ASB7: variants seen among roughly 807,000 people sequenced by gnomAD.
ASB7 encodes the protein ankyrin repeat and SOCS box protein 7.
In ASB7, 4 loss-of-function variants were observed where a neutral mutation model predicts 32.5. The observed-to-expected ratio is 0.12, with a 90% CI of 0.06 to 0.28. The LOEUF is 0.28. Ranked by LOEUF, ASB7 falls within the 10% of genes least tolerant of loss-of-function variation. The pLI, the probability that ASB7 is intolerant of heterozygous loss-of-function variation, is 1.00. For missense variants in ASB7, 181 were observed against 407.1 expected, an observed-to-expected ratio of 0.44 and a Z score of 4.78; for synonymous variants, 172 against 155.6, an observed-to-expected ratio of 1.11 and a Z score of -0.78.
chr15:100,638,568 C>T (rs1273682161), intron 5 of ASB7: 2 of 152,146 alleles, frequency 1.3e-5, no homozygotes, highest in African/African-American at 2.4e-5. Flanking sequence ...TTCAGAGGTT[C>T]GCCGTGCGCA....
At chr15:100,645,367 C>G (rs555072829) in intron 5 of ASB7, 252 of 263,350 alleles carry the variant, frequency 9.6e-4, no homozygotes, top group Non-Finnish European at 1.6e-3. Flanking sequence ...TTTCATGATT[C>G]TCTACCAATT....
chr15:100,607,467 A>G (rs28498163), intron 2 of ASB7, among the ~76,000 whole-genome samples: 31,845 of 152,078 alleles, frequency 0.21, 3,732 homozygotes, highest in Non-Finnish European at 0.27. Context: ...GTAATAAATT[A>G]TTTTCTGTCG....
chr15:100,616,964 G>GCT (rs1224714542), intron 4 of ASB7, among the ~76,000 whole-genome samples: 1 of 152,152 alleles, frequency 6.6e-6, no homozygotes, highest in African/African-American at 2.4e-5. Flanking sequence ...TTCTCACCAC[G>GCT]GTGTTCATTC....
chr15:100,628,495 G>A (rs1042921544), intron 4 of ASB7, among the ~76,000 whole-genome samples: 1 of 152,162 alleles, frequency 6.6e-6, no homozygotes, highest in African/African-American at 2.4e-5. Context: ...ATCCTGGGTA[G>A]TTAGGTCTGA....
chr15:100,638,752 C>T (rs894727111), intron 5 of ASB7, among the ~76,000 whole-genome samples: 4 of 152,090 alleles, frequency 2.6e-5, no homozygotes, highest in Non-Finnish European at 5.9e-5. Context: ...TATACATGTG[C>T]CATGGTGGTT....
intron 5 of ASB7, among the ~76,000 whole-genome samples, chr15:100,640,087 A>G (rs1022812289): frequency 6.6e-6 from 1 of 152,222 alleles, no homozygotes; most frequent in Admixed American, 6.5e-5. Context: ...GTCCCTCTGA[A>G]GGGAATTCAG....
chr15:100,608,083 AC>A (rs2039663009), intron 2 of ASB7, among the ~76,000 whole-genome samples: 1 of 152,202 alleles, frequency 6.6e-6, no homozygotes, highest in African/African-American at 2.4e-5. Flanking sequence ...TGCTGAGGAC[AC>A]ACTTGGAAGT....
intron 2 of ASB7, among the ~76,000 whole-genome samples, chr15:100,605,831 T>G (rs922737759): frequency 2.6e-5 from 4 of 152,220 alleles, no homozygotes; most frequent in Non-Finnish European, 4.4e-5. Context: ...TCTGGATAAG[T>G]CCAAAATTTC....
intron 2 of ASB7, among the ~76,000 whole-genome samples, chr15:100,607,009 C>T (rs541232279): frequency 3.9e-5 from 6 of 152,084 alleles, no homozygotes; most frequent in Admixed American, 6.5e-5. Context: ...ATGAATTAGC[C>T]GGGTGTGGTG....
chr15:100,624,102 A>C (rs1051666171), intron 4 of ASB7, among the ~76,000 whole-genome samples: 1 of 152,252 alleles, frequency 6.6e-6, no homozygotes, highest in Non-Finnish European at 1.5e-5. Context: ...AGCTAAAAAA[A>C]GTTGGCCTCT....
In ASB7 at chr15:100,629,521, T is replaced by G; in HGVS notation, c.296T>G (p.Leu99Trp). 6.2e-7 allele frequency: 1 copy of G among 1,614,178 alleles called. No homozygotes were observed. Among genetic ancestry groups the G allele is most frequent in the Non-Finnish European group, 8.5e-7 (1 of 1,179,988 alleles). Reference sequence around the variant, plus strand: ...CATGGCCGGGCCCGCATTGCACGCTTGATGTTAGAATCTGAATACAGGAGC... The same window carrying G: ...CATGGCCGGGCCCGCATTGCACGCTGGATGTTAGAATCTGAATACAGGAGC... ...AMHGRARIAR[L>W]MLESEYRSDI... Residue 99 changes from leucine (L) to tryptophan (W), a missense_variant, in exon 5 of 6, where the codon TTG (leucine) becomes TGG (tryptophan). Leu to Trp is a moderately conservative substitution (Grantham distance 61). Coordinates refer to ENST00000332783, the MANE Select transcript of ASB7 (RefSeq NM_198243.3). The surrounding 1 kb of genome is among the most constrained non-coding windows in gnomAD (Gnocchi z 6.8).
Position 100,643,871 on chromosome 15 carries a change from AT to A in ASB7, c.818-4449del, listed in dbSNP as rs2039979657. Among the ~76,000 whole-genome samples the A allele has an allele frequency of 1.2e-4, 19 of 152,136 alleles. No homozygotes were observed. In the South Asian group the frequency reaches 3.9e-3, roughly 32 times the overall value. On this transcript the variant is annotated intron_variant, in intron 5 of 5. Transcript: ENST00000332783. The stretch of plus-strand genomic sequence containing the variant: ...CCACTATTTTGGATGATACGTTTTC[AT>A]TTAAGTATGCCTGTATACACATACG...
rs79078951 is a variant in ASB7, at chr15:100,624,913, T to A, written c.212-4524T>A. The stretch of plus-strand genomic sequence containing the variant: ...CAGTCTATTGGTGTATAAAAAAAAA[T>A]ATTATGCCCAAGTAGTATTTACTCC... On this transcript the variant is annotated intron_variant, in intron 4 of 5. Transcript: ENST00000332783. Among the ~76,000 whole-genome samples the A allele has an allele frequency of 3.4e-5, 5 of 148,002 alleles. No homozygotes were observed. In the South Asian group the frequency reaches 8.8e-4, roughly 26 times the overall value.
At position 100,650,029 on chromosome 15, in the gene ASB7, C is replaced by T. The variant is rs923970080; in HGVS notation, c.*1567C>T. 1.3e-5 allele frequency: 2 copies of T among 152,230 alleles called. No homozygotes were observed. Among genetic ancestry groups the T allele is most frequent in the Non-Finnish European group, 2.9e-5 (2 of 68,050 alleles). The allele number at this position is 152,230 out of a possible 1,614,324, so 9.4% of individuals were successfully genotyped here. On this transcript the variant is annotated 3_prime_UTR_variant, in exon 6 of 6. Coordinates refer to ENST00000332783, the MANE Select transcript of ASB7 (RefSeq NM_198243.3). ...TTCAGAGCCAGCAGTGCTGTTTTCT[C>T]AAGCACAGCGTTTGCTCTTAGACTC...
At chr15:100,637,016 A>G (rs2039928091) in intron 5 of ASB7, among the ~76,000 whole-genome samples, 1 of 152,246 alleles carries the variant, frequency 6.6e-6, no homozygotes. Flanking sequence ...CTCTCAGGAA[A>G]AGACATTCCA....
chr15:100,638,313 A>G, intron 5 of ASB7: 1 of 152,230 alleles, frequency 6.6e-6, no homozygotes, highest in Non-Finnish European at 1.5e-5. Context: ...TTTACTACGT[A>G]GGCTCTGCAG....
chr15:100,619,140 A>C (rs558381894), intron 4 of ASB7, among the ~76,000 whole-genome samples: 1 of 152,254 alleles, frequency 6.6e-6, no homozygotes, highest in East Asian at 1.9e-4. Flanking sequence ...GACTTCCTAG[A>C]TAAAGCGTGG....
intron 2 of ASB7, among the ~76,000 whole-genome samples, chr15:100,604,045 C>G (rs1007038650): frequency 1.3e-5 from 2 of 152,134 alleles, no homozygotes; most frequent in Non-Finnish European, 2.9e-5. Flanking sequence ...TCTAGGAGAA[C>G]TTTTAAAAAT....
At chr15:100,625,774 C>G (rs2039831920) in intron 4 of ASB7, among the ~76,000 whole-genome samples, 1 of 152,162 alleles carries the variant, frequency 6.6e-6, no homozygotes, top group Admixed American at 6.5e-5. Flanking sequence ...TTAAAACTTA[C>G]TATAAGCTAC....
Sources: allele counts gnomAD v4.1 joint callset (sites outside exome capture counted in the v4.1 genomes callset), GRCh38; gene constraint gnomAD v4.1.1; non-coding constraint Gnocchi (gnomAD v3.1); transcripts MANE v1.5; gene names NCBI Gene and HGNC (gene_info 2026-07-23, HGNC 2026-07-21).